Variants in GAPVD1 observed in about 807,000 individuals in gnomAD.
GAPVD1 encodes the protein GTPase activating protein and VPS9 domains 1.
In GAPVD1, 35 loss-of-function variants were observed where a neutral mutation model predicts 155.5. That is an observed-to-expected ratio of 0.23 (90% CI 0.17 to 0.30). The LOEUF (loss-of-function observed/expected upper bound fraction) is 0.30, where lower values mean the gene tolerates loss of function less well. Among genes scored for constraint, GAPVD1 ranks in the 10% least tolerant of loss-of-function variants. The probability of loss-of-function intolerance (pLI) is 1.00; values close to 1 mark genes in which losing one functional copy is unlikely to be tolerated. For missense variants in GAPVD1, 1,429 were observed against 1,775.7 expected, an observed-to-expected ratio of 0.80 and a Z score of 3.51; for synonymous variants, 636 against 619.7, an observed-to-expected ratio of 1.03 and a Z score of -0.39.
intron 2 of GAPVD1, among the ~76,000 whole-genome samples, chr9:125,274,376 T>C (rs1020002203): frequency 2.0e-5 from 3 of 152,050 alleles, no homozygotes; most frequent in African/African-American, 7.2e-5. Flanking sequence ...AGGGTTTTCT[T>C]TCTCACATAT....
At chr9:125,309,053 C>T (rs1429085940) in intron 8 of GAPVD1, 2 of 152,122 alleles carry the variant, frequency 1.3e-5, no homozygotes, top group South Asian at 2.1e-4. Flanking sequence ...CTATTTATAA[C>T]GAGGAACTCA....
chr9:125,340,604 A>G (rs1213533774), intron 17 of GAPVD1, among the ~76,000 whole-genome samples: 1 of 152,144 alleles, frequency 6.6e-6, no homozygotes, highest in African/African-American at 2.4e-5. Flanking sequence ...TATTATTATT[A>G]ATACTACTGC....
intron 2 of GAPVD1, among the ~76,000 whole-genome samples, chr9:125,293,664 A>G (rs1839022870): frequency 7.9e-6 from 1 of 126,320 alleles, no homozygotes; most frequent in Non-Finnish European, 1.6e-5. Context: ...TATATTATAT[A>G]TATAATATAA....
At position 125,365,729 on chromosome 9, in the gene GAPVD1, C is replaced by G. The variant is rs773141267; in HGVS notation, c.*2983C>G. 3 of 152,194 alleles carry G rather than the reference C, an allele frequency of 2.0e-5. No homozygotes were observed. Among genetic ancestry groups the G allele is most frequent in the African/African-American group, 7.2e-5 (3 of 41,440 alleles). 9.4% of individuals were successfully genotyped at this position (152,194 alleles called of 1,614,324 possible). A position where few individuals can be genotyped will look rare whatever the true frequency, so the allele number is the denominator to read the frequency against. On this transcript the variant is annotated 3_prime_UTR_variant, in exon 28 of 28. Coordinates refer to ENST00000297933, the MANE Select transcript of GAPVD1 (RefSeq NM_001282680.3). The stretch of plus-strand genomic sequence containing the variant: ...TCTCGGCTCACTGTAACCACCATCT[C>G]CCAGTCTCTAGTGATTCTCATGGCT...
At chr9:125,270,751 G>A (rs1293359279) in intron 2 of GAPVD1, among the ~76,000 whole-genome samples, 4 of 152,088 alleles carry the variant, frequency 2.6e-5, no homozygotes, top group Non-Finnish European at 5.9e-5. Flanking sequence ...TGAGACCAGC[G>A]TGACCAACAT....
chr9:125,263,849 G>A, intron 1 of GAPVD1: 6 of 1,224,678 alleles, frequency 4.9e-6, no homozygotes, highest in Non-Finnish European at 7.2e-6. Context: ...GTCTCCGGGG[G>A]GCAGATGAAG....
At position 125,365,171 on chromosome 9, in the gene GAPVD1, G is replaced by C. The variant is rs1851392615; in HGVS notation, c.*2425G>C. On this transcript the variant is annotated 3_prime_UTR_variant, in exon 28 of 28. Coordinates refer to ENST00000297933, the MANE Select transcript of GAPVD1 (RefSeq NM_001282680.3). ...CTGTGAAATGGGTTCGGGTGCTCAT[G>C]ACTCCATAGCTGGCGGAGGAGCACA... The C allele has an allele frequency of 6.6e-6, 1 of 152,182 alleles. No individual in the cohort carries two copies. Among genetic ancestry groups the C allele is most frequent in the Non-Finnish European group, 1.5e-5 (1 of 68,048 alleles). 9.4% of individuals were successfully genotyped at this position (152,182 alleles called of 1,614,324 possible).
At chr9:125,264,260 T>C (rs1833456834) in intron 1 of GAPVD1, among the ~76,000 whole-genome samples, 1 of 152,156 alleles carries the variant, frequency 6.6e-6, no homozygotes, top group African/African-American at 2.4e-5. Flanking sequence ...AGTGGCATGA[T>C]CTCCGCTCAC....
intron 2 of GAPVD1, among the ~76,000 whole-genome samples, chr9:125,270,289 T>A (rs938235260): frequency 1.3e-5 from 2 of 151,218 alleles, no homozygotes; most frequent in Non-Finnish European, 2.9e-5. Context: ...ATTAGCTGGG[T>A]GTGGTGGCGC....
intron 15 of GAPVD1, 126 bp downstream of exon 15, chr9:125,332,755 A>G (rs1173140259): frequency 2.5e-5 from 18 of 734,534 alleles, no homozygotes; most frequent in African/African-American, 3.6e-5. Context: ...GTCAGTATCT[A>G]TTTAAGGTCT....
At chr9:125,353,882 T>G (rs535605181) in intron 23 of GAPVD1, among the ~76,000 whole-genome samples, 15 of 152,308 alleles carry the variant, frequency 9.8e-5, no homozygotes, top group African/African-American at 3.6e-4. Context: ...AAGCAACATA[T>G]TTGGATATTT....
intron 23 of GAPVD1, among the ~76,000 whole-genome samples, chr9:125,353,743 C>T (rs1849632755): frequency 6.6e-6 from 1 of 152,146 alleles, no homozygotes; most frequent in African/African-American, 2.4e-5. Flanking sequence ...ACAATCAGAT[C>T]TCTTGAGACT....
intron 10 of GAPVD1, among the ~76,000 whole-genome samples, chr9:125,323,045 T>A (rs1428825963): frequency 1.5e-5 from 2 of 136,498 alleles, no homozygotes; most frequent in Non-Finnish European, 3.1e-5. Context: ...AGAGCGAGAC[T>A]CTCTCTAAAA....
chr9:125,358,134 C>T (rs1477360716), intron 25 of GAPVD1, among the ~76,000 whole-genome samples: 2 of 152,016 alleles, frequency 1.3e-5, no homozygotes, highest in Non-Finnish European at 2.9e-5. Flanking sequence ...TTGAGATAGT[C>T]TCACTCTGTC....
rs1312284050 is a variant in GAPVD1 at position 125,300,045 on chromosome 9, ATATATATATAT to A, written c.185+940_185+950del. Among the ~76,000 whole-genome samples, 10 of 21,882 alleles carry A rather than the reference ATATATATATAT, an allele frequency of 4.6e-4. 3 individuals are homozygous for A. Among genetic ancestry groups the A allele is most frequent in the African/African-American group, 6.0e-4 (3 of 5,010 alleles). The allele number at this position is 21,882 out of a possible 152,430, so 14.4% of individuals were successfully genotyped here. A position where few individuals can be genotyped will look rare whatever the true frequency, so the allele number is the denominator to read the frequency against. On this transcript the variant is annotated intron_variant, in intron 4 of 27. Coordinates refer to ENST00000297933, the MANE Select transcript of GAPVD1 (RefSeq NM_001282680.3). ...AAAGAAAAAAAAAAAAAAAATATAT[ATATATATATAT>A]ATATATATATATATATATATATATA...
At chr9:125,355,102 T>A (rs1043847820) in intron 24 of GAPVD1, among the ~76,000 whole-genome samples, 7 of 152,288 alleles carry the variant, frequency 4.6e-5, no homozygotes, top group East Asian at 3.9e-4. Flanking sequence ...TCATTTTTTT[T>A]AAAAAGCCAA....
rs550921910 is a variant in GAPVD1, at chr9:125,284,442, T to G, written c.-149-11016T>G. On this transcript the variant is annotated intron_variant, in intron 2 of 27. Coordinates refer to ENST00000297933, the MANE Select transcript of GAPVD1 (RefSeq NM_001282680.3). ...ATCCGCTCACCTCGGCTTCCCAAAG[T>G]GCTGGGATTACAGGCGTGAGCCACC... Among the ~76,000 whole-genome samples, 27 of 151,804 alleles carry G rather than the reference T, an allele frequency of 1.8e-4. 1 individual carries two copies. The highest frequency in any genetic ancestry group is 9.8e-4 in the Admixed American group (15 of 15,236).
intron 9 of GAPVD1, among the ~76,000 whole-genome samples, chr9:125,315,673 GC>G (rs1843315505): frequency 6.6e-6 from 1 of 152,014 alleles, no homozygotes; most frequent in South Asian, 2.1e-4. Flanking sequence ...AGTTGCTTCT[GC>G]TTGCATTAAG....
chr9:125,275,860 A>T (rs1835698680), intron 2 of GAPVD1, among the ~76,000 whole-genome samples: 1 of 152,344 alleles, frequency 6.6e-6, no homozygotes, highest in South Asian at 2.1e-4. Context: ...ATAGTCATGG[A>T]ACATTAGTAT....
Sources: allele counts gnomAD v4.1 joint callset (sites outside exome capture counted in the v4.1 genomes callset), GRCh38; gene constraint gnomAD v4.1.1; transcripts MANE v1.5; gene names NCBI Gene and HGNC (gene_info 2026-07-23, HGNC 2026-07-21).